Variants in DHRS3 observed in about 807,000 individuals in gnomAD.
The protein encoded by DHRS3 is short-chain dehydrogenase/reductase 3.
DHRS3 carries 14 observed loss-of-function variants against 27.2 expected under a neutral mutation model. The ratio of observed to expected loss-of-function variants is 0.52; its 90% CI spans 0.34 to 0.81. DHRS3 has a LOEUF of 0.81. Ranked by LOEUF, DHRS3 falls within the 30% of genes least tolerant of loss-of-function variation. DHRS3 has a pLI of 0.01. For missense variants in DHRS3, 322 were observed against 406.2 expected, an observed-to-expected ratio of 0.79 and a Z score of 1.78; for synonymous variants, 165 against 175.9, an observed-to-expected ratio of 0.94 and a Z score of 0.49.
At position 12,579,299 on chromosome 1, in the gene DHRS3, C is replaced by A; in HGVS notation, c.453G>T (p.Gln151His). ...LKSQHINTLGQFWTTKAFLPR... is the reference protein window; with the variant it reads ...LKSQHINTLGHFWTTKAFLPR... Reference sequence around the variant, plus strand: ...GGCCCCGGATAGCCCTTACCCAGAACTGGCCCAGGGTGTTGATGTGTTGGG... The same window carrying A: ...GGCCCCGGATAGCCCTTACCCAGAAATGGCCCAGGGTGTTGATGTGTTGGG... The change falls in exon 3 of 6, where the codon CAG becomes CAT. Residue 151 changes from glutamine (Q) to histidine (H), a missense_variant. Physicochemically the swap from Gln to His is conservative, Grantham distance 24. Coordinates refer to ENST00000616661, the MANE Select transcript of DHRS3 (RefSeq NM_004753.7). The A allele has an allele frequency of 6.2e-7, 1 of 1,614,152 alleles. No homozygotes were observed.
At position 12,591,354 on chromosome 1, in the gene DHRS3, G is replaced by A. The variant is rs372022285; in HGVS notation, c.196-10688C>T. On this transcript the variant is annotated intron_variant, in intron 1 of 5. Transcript: ENST00000616661. The surrounding 1 kb of genome is among the most constrained non-coding windows in gnomAD (Gnocchi z 4.1). Reference sequence around the variant, plus strand: ...CTCTCCCACGTAGCCCTGCAAAACAGGCTTTCCCTGGCTCCAGGCCCCTGT... The same window carrying A: ...CTCTCCCACGTAGCCCTGCAAAACAAGCTTTCCCTGGCTCCAGGCCCCTGT... Among the ~76,000 whole-genome samples, 49 of 152,348 alleles carry A rather than the reference G, an allele frequency of 3.2e-4. No homozygotes were observed. The East Asian group carries it at 5.4e-3, about 17-fold the overall frequency.
chr1:12,617,357 C>A lies in DHRS3; in HGVS notation c.-9G>T. The A allele has an allele frequency of 2.5e-6, 4 of 1,595,110 alleles. No individual in the cohort carries two copies. Among genetic ancestry groups the A allele is most frequent in the Non-Finnish European group, 3.4e-6 (4 of 1,165,618 alleles). On this transcript the variant is annotated 5_prime_UTR_variant, in exon 1 of 6. Transcript: ENST00000616661. ...AGCCGTTTCCACACCATCCTCCGCGCCGCGGAGCCGGGCAGGGGGCGAAAC... is the reference window on the plus strand; with the variant it reads ...AGCCGTTTCCACACCATCCTCCGCGACGCGGAGCCGGGCAGGGGGCGAAAC...
At position 12,578,831 on chromosome 1, in the gene DHRS3, G is replaced by A. The variant is rs1128256; in HGVS notation, c.585C>T (p.Ala195=). The part of the protein sequence containing the change: ...AIDYCTSKAS[A]FAFMESLTLG... ...GGGTCAGGCTCTCCATGAAGGCGAA[G>A]GCTGACGCTTTGGATGTGCAGTAGT... The change falls in exon 4 of 6, where the codon GCC becomes GCT. Residue 195 remains alanine, a synonymous_variant. Transcript: ENST00000616661. This position sits in a 1 kb window ranked among gnomAD's most constrained non-coding sequence, Gnocchi z 4.5. 6.2e-7 allele frequency: 1 copy of A among 1,614,096 alleles called. No homozygotes were observed. Among genetic ancestry groups the A allele is most frequent in the East Asian group, 2.2e-5 (1 of 44,888 alleles).
rs981838570 is a variant in DHRS3, at chr1:12,614,483, T to C, written c.195+2671A>G. ...GGGTAAGGAGAGATGTGTCCGGAGC[T>C]TTCAAATTCTTACAGCCTTAGTGTG... On this transcript the variant is annotated intron_variant, in intron 1 of 5. Transcript: ENST00000616661. 2.6e-5 allele frequency among the ~76,000 whole-genome samples: 4 copies of C among 151,880 alleles called. No individual in the cohort carries two copies. The South Asian group carries it at 6.2e-4, about 24-fold the overall frequency.
chr1:12,578,825 G>A lies in DHRS3; in HGVS notation c.591C>T (p.Ala197=), dbSNP rs754304027. ...DYCTSKASAF[A]FMESLTLGLL... The stretch of plus-strand genomic sequence containing the variant: ...GCCCCAGGGTCAGGCTCTCCATGAA[G>A]GCGAAGGCTGACGCTTTGGATGTGC... The change falls in exon 4 of 6, where the codon GCC becomes GCT. Residue 197 remains alanine, a synonymous_variant. Coordinates refer to ENST00000616661, the MANE Select transcript of DHRS3 (RefSeq NM_004753.7). The surrounding 1 kb of genome is among the most constrained non-coding windows in gnomAD (Gnocchi z 4.5). 1.2e-6 allele frequency: 2 copies of A among 1,614,102 alleles called. No homozygotes were observed. Among genetic ancestry groups the A allele is most frequent in the Admixed American group, 3.3e-5 (2 of 60,026 alleles).
chr1:12,589,797 A>G (rs1481627117), intron 1 of DHRS3, among the ~76,000 whole-genome samples: 1 of 152,188 alleles, frequency 6.6e-6, no homozygotes, highest in Middle Eastern at 3.2e-3. Context: ...CAGCCTGGGC[A>G]ACATAGCAAG....
At chr1:12,587,360 C>G (rs1297209481) in intron 1 of DHRS3, among the ~76,000 whole-genome samples, 1 of 151,792 alleles carries the variant, frequency 6.6e-6, no homozygotes, top group East Asian at 1.9e-4. Context: ...CCAGGCTGGT[C>G]TCAAGCTCCT....
In DHRS3 at chr1:12,580,534, C is replaced by A. The variant is rs200750969; in HGVS notation, c.328G>T (p.Val110Phe). 1 of 1,614,192 alleles carries A rather than the reference C, an allele frequency of 6.2e-7. No individual in the cohort carries two copies. The highest frequency in any genetic ancestry group is 8.5e-7 in the Non-Finnish European group (1 of 1,180,050). ...CCCAGGCTACAGACCTTCTCCCGGACGGCCTTGGCCGTCTGGTACACCTCC... is the reference window on the plus strand; with the variant it reads ...CCCAGGCTACAGACCTTCTCCCGGAAGGCCTTGGCCGTCTGGTACACCTCC... ...REEVYQTAKA[V>F]REKVGDITIL... The change falls in exon 2 of 6, where the codon GTC becomes TTC. Residue 110 changes from valine to phenylalanine, a missense_variant. By Grantham distance (50) the Val-to-Phe change is conservative (BLOSUM62 -1). Coordinates refer to ENST00000616661, the MANE Select transcript of DHRS3 (RefSeq NM_004753.7).
At chr1:12,572,004 C>T (rs9919328) in intron 5 of DHRS3, among the ~76,000 whole-genome samples, 2,903 of 152,104 alleles carry the variant, frequency 0.019, 101 homozygotes, top group African/African-American at 0.066. Flanking sequence ...AAGAGATTTG[C>T]AAAAAGGTAG....
Position 12,580,517 on chromosome 1 carries a change from A to G in DHRS3, c.339+6T>C, listed in dbSNP as rs1316463866. ...TGCTAGGAATAGACCCTCCCAGGCT[A>G]CAGACCTTCTCCCGGACGGCCTTGG... On this transcript the variant is annotated splice_donor_region_variant and intron_variant, in intron 2 of 5. Coordinates refer to ENST00000616661, the MANE Select transcript of DHRS3 (RefSeq NM_004753.7). 1 of 1,614,158 alleles carries G rather than the reference A, an allele frequency of 6.2e-7. No homozygotes were observed. Among genetic ancestry groups the G allele is most frequent in the East Asian group, 2.2e-5 (1 of 44,874 alleles).
rs959640808 is a variant in DHRS3, at chr1:12,580,566, T to C, written c.296A>G (p.Asn99Ser). The C allele has an allele frequency of 2.5e-6, 4 of 1,614,190 alleles. No homozygotes were observed. Among genetic ancestry groups the C allele is most frequent in the Admixed American group, 1.7e-5 (1 of 60,030 alleles). Residue 99 changes from asparagine to serine, a missense_variant, in exon 2 of 6, where the codon AAC (asparagine) becomes AGC (serine). Asn to Ser is a conservative substitution (Grantham distance 46, BLOSUM62 1). Transcript: ENST00000616661. ...GGCCGTCTGGTACACCTCCTCCCGG[T>C]TGCCCACATCACAGATGAAGTAATG... ...ECHYFICDVG[N>S]REEVYQTAKA...
In DHRS3 at chr1:12,616,873, G is replaced by A. The variant is rs559757519; in HGVS notation, c.195+281C>T. 8.6e-5 allele frequency: 91 copies of A among 1,054,404 alleles called. No individual in the cohort carries two copies. In the African/African-American group the frequency reaches 1.2e-3, roughly 14 times the overall value. The allele number at this position is 1,054,404 out of a possible 1,614,324, so 65.3% of individuals were successfully genotyped here. ...CCTTCCTTTGGGAGGCAGGAATGTGGGAAATGGTGGGTCTCTTAGGTTTCA... is the reference window on the plus strand; with the variant it reads ...CCTTCCTTTGGGAGGCAGGAATGTGAGAAATGGTGGGTCTCTTAGGTTTCA... On this transcript the variant is annotated intron_variant, in intron 1 of 5. Transcript: ENST00000616661.
In DHRS3 at chr1:12,590,744, G is replaced by C. The variant is rs534803768; in HGVS notation, c.196-10078C>G. ...GCTTTCTCCGAATGGACTCCAGTGG[G>C]ATCCCTCTAGCTGTCACCCATTGAG... is the stretch of plus-strand genomic sequence containing the variant. On this transcript the variant is annotated intron_variant, in intron 1 of 5. Coordinates refer to ENST00000616661, the MANE Select transcript of DHRS3 (RefSeq NM_004753.7). Among the ~76,000 whole-genome samples the C allele has an allele frequency of 4.6e-5, 7 of 152,282 alleles. No individual in the cohort carries two copies. In the East Asian group the frequency reaches 1.4e-3, roughly 29 times the overall value.
At chr1:12,577,055 GCACTA>G (rs1646594975) in intron 4 of DHRS3, among the ~76,000 whole-genome samples, 1 of 151,846 alleles carries the variant, frequency 6.6e-6, no homozygotes, top group African/African-American at 2.4e-5. Flanking sequence ...CACGTGGCAT[GCACTA>G]CACTAAATTG....
intron 1 of DHRS3, among the ~76,000 whole-genome samples, chr1:12,597,090 C>G (rs187790946): frequency 6.6e-6 from 1 of 151,964 alleles, no homozygotes; most frequent in Non-Finnish European, 1.5e-5. Context: ...GATCTCCCCC[C>G]GCCCTAGACG....
Position 12,606,136 on chromosome 1 carries a change from C to CAA in DHRS3, c.195+11016_195+11017dup, listed in dbSNP as rs35154933. On this transcript the variant is annotated intron_variant, in intron 1 of 5. Transcript: ENST00000616661. ...CTGGCGACAGAGTGAGACTCTGTCTCAAAAAAAAAAAAAAAAAAATAGAAA... is the reference window on the plus strand; with the variant it reads ...CTGGCGACAGAGTGAGACTCTGTCTCAAAAAAAAAAAAAAAAAAAAATAGAAA... 6.4e-3 allele frequency among the ~76,000 whole-genome samples: 688 copies of CAA among 106,796 alleles called. 15 individuals are homozygous for CAA. The highest frequency in any genetic ancestry group is 0.02 in the African/African-American group (501 of 25,372). 70.1% of individuals were successfully genotyped at this position (106,796 alleles called of 152,430 possible).
In DHRS3 at chr1:12,568,618, A is replaced by G. The variant is rs559266637; in HGVS notation, c.825-194T>C. Reference sequence around the variant, plus strand: ...GGGAAGAGCTTTCAAATAAGTGGATAAGCAGCTGTTAAAAGGGCAGGGGGA... The same window carrying G: ...GGGAAGAGCTTTCAAATAAGTGGATGAGCAGCTGTTAAAAGGGCAGGGGGA... On this transcript the variant is annotated intron_variant, in intron 5 of 5. Transcript: ENST00000616661. 2.0e-5 allele frequency among the ~76,000 whole-genome samples: 3 copies of G among 152,246 alleles called. No individual in the cohort carries two copies. The South Asian group carries it at 6.2e-4, about 32-fold the overall frequency.
intron 1 of DHRS3, among the ~76,000 whole-genome samples, chr1:12,601,732 A>T (rs190338383): frequency 9.7e-4 from 147 of 152,254 alleles, no homozygotes; most frequent in Non-Finnish European, 1.8e-3. Context: ...TTACAAGCAG[A>T]CACCCTGGGT....
chr1:12,604,178 C>G (rs1646854489), intron 1 of DHRS3, among the ~76,000 whole-genome samples: 1 of 152,188 alleles, frequency 6.6e-6, no homozygotes, highest in Non-Finnish European at 1.5e-5. Context: ...CAGTTGCCAC[C>G]TCCTTCGAGA....
Sources: gnomAD v4.1 joint callset for allele counts (sites outside exome capture counted in the v4.1 genomes callset) on GRCh38, gnomAD v4.1.1 for gene constraint, Gnocchi (gnomAD v3.1) non-coding constraint, MANE v1.5 for transcripts, NCBI Gene and HGNC (gene_info 2026-07-23, HGNC 2026-07-21) for gene names.